The following HPCAL1 variants were observed in gnomAD, a reference collection of about 807,000 sequenced individuals.
HPCAL1 encodes the protein hippocalcin like 1.
Under a neutral mutation model 17.1 loss-of-function variants are expected in HPCAL1, and 8 were observed. The ratio of observed to expected loss-of-function variants is 0.47; its 90% CI spans 0.27 to 0.84. The LOEUF (loss-of-function observed/expected upper bound fraction) is 0.84, where lower values mean the gene tolerates loss of function less well. Ranked by LOEUF, HPCAL1 falls within the 40% of genes least tolerant of loss-of-function variation. HPCAL1 has a pLI of 0.13. For missense variants in HPCAL1, 165 were observed against 271.1 expected (o/e 0.61, Z 2.75); for synonymous variants, 112 against 111.4 (o/e 1.01, Z -0.03).
At position 10,365,718 on chromosome 2, in the gene HPCAL1, T is replaced by C. The variant is rs1475720379; in HGVS notation, c.-110-31117T>C. ...CTCCTTCAGGCTCCCTACACCCACC[T>C]GAGTGGGCCTTTCTGTGTTCACTTC... is the stretch of plus-strand genomic sequence containing the variant. On this transcript the variant is annotated intron_variant, in intron 1 of 4. Transcript: ENST00000307845. This position sits in a 1 kb window ranked among gnomAD's most constrained non-coding sequence, Gnocchi z 4.8. Among the ~76,000 whole-genome samples the C allele has an allele frequency of 6.6e-6, 1 of 152,050 alleles. No homozygotes were observed. Among genetic ancestry groups the C allele is most frequent in the Admixed American group, 6.6e-5 (1 of 15,262 alleles).
rs1386386333 is a variant in HPCAL1, at chr2:10,398,537, T to G, written c.-25+1617T>G. 2.6e-5 allele frequency among the ~76,000 whole-genome samples: 4 copies of G among 152,294 alleles called. No individual in the cohort carries two copies. The East Asian group carries it at 7.7e-4, about 29-fold the overall frequency. ...GCAGATACCAGTGGCAGGTTTCATC[T>G]GTGGCCCTGGTAGATGTGAGTCCCG... On this transcript the variant is annotated intron_variant, in intron 2 of 4. Coordinates refer to ENST00000307845, the MANE Select transcript of HPCAL1 (RefSeq NM_002149.4).
intron 2 of HPCAL1, among the ~76,000 whole-genome samples, chr2:10,418,820 T>C (rs1670848465): frequency 6.6e-6 from 1 of 152,132 alleles, no homozygotes; most frequent in African/African-American, 2.4e-5. Flanking sequence ...TTCCCACAGG[T>C]GCCTCATTTT....
At position 10,427,565 on chromosome 2, in the gene HPCAL1, G is replaced by C. The variant is rs1248095850; in HGVS notation, c.*744G>C. 6.6e-6 allele frequency: 1 copy of C among 152,228 alleles called. No individual in the cohort carries two copies. Among genetic ancestry groups the C allele is most frequent in the Admixed American group, 6.5e-5 (1 of 15,280 alleles). The allele number at this position is 152,228 out of a possible 1,614,324, so 9.4% of individuals were successfully genotyped here. ...TTGTGTCTGGTCTGTCCTCCCTGTT[G>C]ATTGGTCTGGCATTTCCGGTATTAA... On this transcript the variant is annotated 3_prime_UTR_variant, in exon 5 of 5. Transcript: ENST00000307845.
chr2:10,355,710 C>T (rs1404056972), intron 1 of HPCAL1, among the ~76,000 whole-genome samples: 3 of 151,858 alleles, frequency 2.0e-5, no homozygotes, highest in Non-Finnish European at 4.4e-5. Context: ...GTCCAGGGCT[C>T]AAGGAGATTG....
At chr2:10,334,856 T>C (rs1664621664) in intron 1 of HPCAL1, among the ~76,000 whole-genome samples, 1 of 152,138 alleles carries the variant, frequency 6.6e-6, no homozygotes, top group Non-Finnish European at 1.5e-5. Context: ...TTTTGTATTT[T>C]TTATAGAGTC....
chr2:10,325,177 G>A (rs186738170), intron 1 of HPCAL1, among the ~76,000 whole-genome samples: 1 of 152,078 alleles, frequency 6.6e-6, no homozygotes, highest in Non-Finnish European at 1.5e-5. Context: ...AGAGGGTCTC[G>A]CTCTGTGGCC....
In HPCAL1 at chr2:10,392,050, T is replaced by C. The variant is rs554540505; in HGVS notation, c.-110-4785T>C. 2.2e-4 allele frequency among the ~76,000 whole-genome samples: 33 copies of C among 151,198 alleles called. 2 individuals carry two copies. Among genetic ancestry groups the C allele is most frequent in the East Asian group, 2.0e-3 (10 of 5,110 alleles). On this transcript the variant is annotated intron_variant, in intron 1 of 4. Transcript: ENST00000307845. ...GGCATGAGCCACTATGCCAGGCTGT[T>C]GTTGTTTTTTAAGACGTGGTCTCGA...
At chr2:10,409,794 T>C (rs1670224730) in intron 2 of HPCAL1, among the ~76,000 whole-genome samples, 2 of 136,226 alleles carry the variant, frequency 1.5e-5, no homozygotes, top group South Asian at 2.5e-4. Flanking sequence ...TTTTTTTTTT[T>C]TTTTTTTTTT....
At chr2:10,341,478 T>TG (rs1665076175) in intron 1 of HPCAL1, among the ~76,000 whole-genome samples, 1 of 151,268 alleles carries the variant, frequency 6.6e-6, no homozygotes, top group Non-Finnish European at 1.5e-5. Flanking sequence ...CAACAAATTG[T>TG]GGCACAAATG....
intron 1 of HPCAL1, among the ~76,000 whole-genome samples, chr2:10,353,629 A>G (rs4669575): frequency 0.38 from 57,584 of 152,170 alleles, 11,421 homozygotes; most frequent in South Asian, 0.61. Flanking sequence ...GTGCAGTGAC[A>G]TGATCAGGGC....
At position 10,359,278 on chromosome 2, in the gene HPCAL1, G is replaced by T. The variant is rs940125899; in HGVS notation, c.-110-37557G>T. ...TATGTTTGCTGCGGGCTGGCTCGGCGAGGGGGAGGTGGGCAGCTGGGGGCT... is the reference window on the plus strand; with the variant it reads ...TATGTTTGCTGCGGGCTGGCTCGGCTAGGGGGAGGTGGGCAGCTGGGGGCT... On this transcript the variant is annotated intron_variant, in intron 1 of 4. Coordinates refer to ENST00000307845, the MANE Select transcript of HPCAL1 (RefSeq NM_002149.4). This position sits in a 1 kb window ranked among gnomAD's most constrained non-coding sequence, Gnocchi z 4.1. 4.6e-5 allele frequency among the ~76,000 whole-genome samples: 7 copies of T among 152,296 alleles called. No homozygotes were observed. The highest frequency in any genetic ancestry group is 4.6e-4 in the Admixed American group (7 of 15,304).
chr2:10,415,201 C>A (rs952788862), intron 2 of HPCAL1, among the ~76,000 whole-genome samples: 3 of 152,218 alleles, frequency 2.0e-5, no homozygotes, highest in Admixed American at 6.5e-5. Context: ...CTGCCCCAGG[C>A]CGCATGGAGG....
chr2:10,377,807 T>C lies in HPCAL1; in HGVS notation c.-110-19028T>C, dbSNP rs989215994. 1.3e-5 allele frequency among the ~76,000 whole-genome samples: 2 copies of C among 151,612 alleles called. No individual in the cohort carries two copies. Among genetic ancestry groups the C allele is most frequent in the Non-Finnish European group, 2.9e-5 (2 of 67,910 alleles). On this transcript the variant is annotated intron_variant, in intron 1 of 4. Coordinates refer to ENST00000307845, the MANE Select transcript of HPCAL1 (RefSeq NM_002149.4). This position sits in a 1 kb window ranked among gnomAD's most constrained non-coding sequence, Gnocchi z 5.9. ...AGGGACACCAGAATCCCCATCCCCA[T>C]CCCCAGGGTGGTGAGCCACCGAGGG...
intron 1 of HPCAL1, chr2:10,324,243 A>C (rs978090256): frequency 6.6e-6 from 1 of 152,240 alleles, no homozygotes; most frequent in Non-Finnish European, 1.5e-5. Context: ...TGGAAATGCC[A>C]AAGTTGTTAA....
chr2:10,349,429 C>T (rs1437919223), intron 1 of HPCAL1, among the ~76,000 whole-genome samples: 3 of 151,886 alleles, frequency 2.0e-5, no homozygotes, highest in African/African-American at 7.2e-5. Flanking sequence ...ATATAGACGC[C>T]GGGCACGGTG....
chr2:10,337,867 G>A (rs1036390051), intron 1 of HPCAL1, among the ~76,000 whole-genome samples: 5 of 152,182 alleles, frequency 3.3e-5, no homozygotes, highest in African/African-American at 7.2e-5. Flanking sequence ...CAATGTTCCC[G>A]GCAGTACCTC....
rs753545491 is a variant in HPCAL1, at chr2:10,426,785, G to A, written c.546G>A (p.Leu182=). ...AGAGCGACCCCTCCATCGTCCGCCTGCTGCAGTGCGACCCCAGCAGTGCCA... is the reference window on the plus strand; with the variant it reads ...AGAGCGACCCCTCCATCGTCCGCCTACTGCAGTGCGACCCCAGCAGTGCCA... ...GAKSDPSIVR[L]LQCDPSSASQ... is the part of the protein sequence containing the mutation. The change falls in exon 5 of 5, where the codon CTG becomes CTA. Residue 182 remains leucine (L), a synonymous_variant. Transcript: ENST00000307845. 1.9e-6 allele frequency: 3 copies of A among 1,613,416 alleles called. No homozygotes were observed. The highest frequency in any genetic ancestry group is 1.1e-5 in the South Asian group (1 of 91,088).
intron 1 of HPCAL1, among the ~76,000 whole-genome samples, chr2:10,389,018 T>C (rs184044084): frequency 2.3e-4 from 35 of 152,228 alleles, no homozygotes; most frequent in Middle Eastern, 3.4e-3. Flanking sequence ...GAGGCGGGAC[T>C]CGACTCCAGA....
intron 1 of HPCAL1, among the ~76,000 whole-genome samples, chr2:10,380,134 C>G (rs544749763): frequency 6.6e-6 from 1 of 152,206 alleles, no homozygotes; most frequent in Admixed American, 6.5e-5. Flanking sequence ...AATTGTTGGG[C>G]GGCTTTTCCC....
Sources: gnomAD v4.1 joint callset for allele counts (sites outside exome capture counted in the v4.1 genomes callset) on GRCh38, gnomAD v4.1.1 for gene constraint, Gnocchi (gnomAD v3.1) non-coding constraint, MANE v1.5 for transcripts, NCBI Gene and HGNC (gene_info 2026-07-23, HGNC 2026-07-21) for gene names.